ZSCAN25: variants seen among roughly 807,000 people sequenced by gnomAD.
The protein encoded by ZSCAN25 is zinc finger and SCAN domain-containing protein 25.
A neutral mutation model predicts 38.7 loss-of-function variants in ZSCAN25; 27 were observed. That is an observed-to-expected ratio of 0.70 (90% CI 0.51 to 0.96). The LOEUF (loss-of-function observed/expected upper bound fraction) is 0.96. ZSCAN25 is among the 40% of genes least tolerant of loss of function. The pLI is 0.00. For synonymous variants in ZSCAN25, 273 were observed against 277.7 expected, an observed-to-expected ratio of 0.98 and a Z score of 0.17; for missense variants, 637 against 705.9, an observed-to-expected ratio of 0.90 and a Z score of 1.11.
intron 6 of ZSCAN25, 142 bp downstream of exon 6, chr7:99,622,782 G>A: frequency 1.4e-6 from 1 of 728,648 alleles, no homozygotes; most frequent in South Asian, 1.8e-5. Context: ...GGACCTGATG[G>A]TGTGGTTTCC....
At chr7:99,652,177 T>A in the ZSCAN25 span, 1 of 148,438 alleles carries the variant, frequency 6.7e-6, no homozygotes, top group Non-Finnish European at 1.5e-5. Context: ...ATATATATAT[T>A]TATATATATA....
the ZSCAN25 span, among the ~76,000 whole-genome samples, chr7:99,698,082 G>GTTTC: frequency 2.6e-5 from 4 of 151,800 alleles, no homozygotes; most frequent in Non-Finnish European, 4.4e-5. Flanking sequence ...GCTCCCCTCT[G>GTTTC]GTAGAGTAAT....
At chr7:99,672,438 C>T in the ZSCAN25 span, 3 of 675,286 alleles carry the variant, frequency 4.4e-6, no homozygotes, top group East Asian at 5.4e-5. Flanking sequence ...AAGATGTTAC[C>T]ACTGGGCGGG....
intron 4 of ZSCAN25, 140 bp downstream of exon 4, chr7:99,620,133 T>C (rs1363613116): frequency 1.6e-6 from 2 of 1,289,086 alleles, no homozygotes; most frequent in Admixed American, 5.8e-5. Context: ...GAGGTTCTTT[T>C]TGGAGAGCAG....
At chr7:99,694,195 AAG>A in the ZSCAN25 span, among the ~76,000 whole-genome samples, 1 of 152,216 alleles carries the variant, frequency 6.6e-6, no homozygotes, top group East Asian at 1.9e-4. Flanking sequence ...GGCTGAGGGA[AAG>A]AGAGTGAGTG....
the ZSCAN25 span, among the ~76,000 whole-genome samples, chr7:99,690,939 C>T: frequency 3.3e-5 from 5 of 152,188 alleles, no homozygotes; most frequent in Non-Finnish European, 7.3e-5. Context: ...CATCACATTA[C>T]TGGGTATATA....
chr7:99,652,420 C>A, the ZSCAN25 span: 576 of 548,286 alleles, frequency 1.1e-3, no homozygotes, highest in Middle Eastern at 2.0e-3. Context: ...TGATAATTAT[C>A]ACTTTTTTGT....
the ZSCAN25 span, among the ~76,000 whole-genome samples, chr7:99,727,731 A>G: frequency 2.0e-5 from 3 of 152,032 alleles, no homozygotes; most frequent in Admixed American, 6.6e-5. Context: ...CCCCTCCACT[A>G]TCTCTCAGCA....
downstream of ZSCAN25, among the ~76,000 whole-genome samples, chr7:99,636,462 A>G (rs773797376): frequency 6.6e-6 from 1 of 152,184 alleles, no homozygotes; most frequent in Non-Finnish European, 1.5e-5. Flanking sequence ...TTATAGTCTT[A>G]CACTTCTCAT....
the ZSCAN25 span, among the ~76,000 whole-genome samples, chr7:99,727,979 G>A: frequency 6.6e-6 from 1 of 152,162 alleles, no homozygotes; most frequent in African/African-American, 2.4e-5. Context: ...GGCCATCAAA[G>A]GGCCTCAGAC....
Position 99,621,541 on chromosome 7 carries a change from C to T in ZSCAN25, c.556C>T (p.Pro186Ser), listed in dbSNP as rs1400837936. 1.3e-6 allele frequency: 2 copies of T among 1,523,992 alleles called. No homozygotes were observed. Among genetic ancestry groups the T allele is most frequent in the Non-Finnish European group, 1.8e-6 (2 of 1,125,732 alleles). The allele number at this position is 1,523,992 out of a possible 1,614,324, so 94.4% of individuals were successfully genotyped here. A position where few individuals can be genotyped will look rare whatever the true frequency, so the allele number is the denominator to read the frequency against. The change falls in exon 5 of 8, where the codon CCT (proline) becomes TCT (serine). Residue 186 changes from proline (P) to serine (S), a missense_variant. By Grantham distance (74) the Pro-to-Ser change is moderately conservative. Coordinates refer to ENST00000394152, the MANE Select transcript of ZSCAN25 (RefSeq NM_145115.3). ...PGTEEQLSQD[P>S]GDETRAFQEQ... ...TACCGAGGAGCAGCTCAGTCAGGAC[C>T]CTGGAGATGAGACACGGGCCTTCCA...
the ZSCAN25 span, among the ~76,000 whole-genome samples, chr7:99,669,795 AAT>A: frequency 6.6e-6 from 1 of 152,192 alleles, no homozygotes; most frequent in African/African-American, 2.4e-5. Context: ...AGCAGTGAAA[AAT>A]ATGTTAAAGC....
At chr7:99,707,288 C>A in the ZSCAN25 span, among the ~76,000 whole-genome samples, 12,349 of 152,190 alleles carry the variant, frequency 0.081, 639 homozygotes, top group African/African-American at 0.13. Context: ...CTTGGCTTCA[C>A]ATGAGAAGCA....
chr7:99,722,246 A>T, the ZSCAN25 span: 3 of 1,609,986 alleles, frequency 1.9e-6, no homozygotes, highest in East Asian at 2.2e-5. Context: ...CAGTGGGGTA[A>T]ACTCATCATA....
At chr7:99,665,860 C>G in the ZSCAN25 span, among the ~76,000 whole-genome samples, 19 of 152,216 alleles carry the variant, frequency 1.2e-4, no homozygotes, top group Non-Finnish European at 2.6e-4. Context: ...CCCAGCTCCT[C>G]TGACCTGAAG....
chr7:99,736,279 A>T, the ZSCAN25 span, among the ~76,000 whole-genome samples: 1 of 152,248 alleles, frequency 6.6e-6, no homozygotes, highest in African/African-American at 2.4e-5. Flanking sequence ...CTCAGCCAGC[A>T]ACAATGGGGC....
At chr7:99,717,748 G>A in the ZSCAN25 span, 1 of 1,359,008 alleles carries the variant, frequency 7.4e-7, no homozygotes, top group African/African-American at 1.4e-5. Flanking sequence ...TTTAGTGACT[G>A]TCTACTAAGT....
At chr7:99,665,139 G>A in the ZSCAN25 span, 1 of 1,540,876 alleles carries the variant, frequency 6.5e-7, no homozygotes, top group Non-Finnish European at 8.8e-7. Flanking sequence ...TTTTTAAAAA[G>A]AGAGAAAGAA....
the ZSCAN25 span, chr7:99,679,909 T>C: frequency 6.2e-7 from 1 of 1,612,756 alleles, no homozygotes; most frequent in South Asian, 1.1e-5. Flanking sequence ...CCACTTTCCT[T>C]CTTCAACTGT....
Sources: allele counts gnomAD v4.1 joint callset (sites outside exome capture counted in the v4.1 genomes callset), GRCh38; gene constraint gnomAD v4.1.1; transcripts MANE v1.5; gene names NCBI Gene and HGNC (gene_info 2026-07-23, HGNC 2026-07-21).